CBL: variants seen among roughly 807,000 people sequenced by gnomAD.
CBL encodes the protein Cbl proto-oncogene, also known as E3 ubiquitin-protein ligase CBL.
Under a neutral mutation model 96.9 loss-of-function variants are expected in CBL, and 45 were observed. The ratio of observed to expected loss-of-function variants is 0.46; its 90% confidence interval spans 0.37 to 0.60. The LOEUF is 0.60. Among genes scored for constraint, CBL ranks in the 20% least tolerant of loss-of-function variants. The pLI, the probability that CBL is intolerant of heterozygous loss-of-function variation, is 0.00. For missense variants in CBL, 1,024 were observed against 1,143.5 expected (o/e 0.90, Z 1.51); for synonymous variants, 420 against 426.8 (o/e 0.98, Z 0.20).
rs1401312499 is a variant in CBL at position 119,277,239 on chromosome 11, GCGCACACACA to G, written c.1008-516_1008-507del. 8.7e-5 allele frequency among the ~76,000 whole-genome samples: 12 copies of G among 138,352 alleles called. No individual in the cohort carries two copies. In the South Asian group the frequency reaches 2.7e-3, roughly 31 times the overall value. The allele number at this position is 138,352 out of a possible 152,430, so 90.8% of individuals were successfully genotyped here. A position where few individuals can be genotyped will look rare whatever the true frequency, so the allele number is the denominator to read the frequency against. ...CTCAAAAAAAAAATAAGAATCTGTC[GCGCACACACA>G]CACACACACACACACACACACATAA... On this transcript the variant is annotated intron_variant, in intron 6 of 15. Coordinates refer to ENST00000264033, the MANE Select transcript of CBL (RefSeq NM_005188.4).
At chr11:119,230,767 C>CT (rs1368971779) in intron 1 of CBL, among the ~76,000 whole-genome samples, 1 of 152,184 alleles carries the variant, frequency 6.6e-6, no homozygotes, top group African/African-American at 2.4e-5. Flanking sequence ...ATGTGTGAGT[C>CT]TGTTTCTGGA....
At chr11:119,254,817 G>C (rs1469513851) in intron 2 of CBL, among the ~76,000 whole-genome samples, 1 of 152,094 alleles carries the variant, frequency 6.6e-6, no homozygotes, top group Non-Finnish European at 1.5e-5. Context: ...GGCCAGGCTG[G>C]TCTGAAACTC....
At position 119,266,972 on chromosome 11, in the gene CBL, T is replaced by A. The variant is rs1263366089; in HGVS notation, c.444-4763T>A. 4.6e-5 allele frequency among the ~76,000 whole-genome samples: 7 copies of A among 152,330 alleles called. No homozygotes were observed. The East Asian group carries it at 1.3e-3, about 29-fold the overall frequency. On this transcript the variant is annotated intron_variant, in intron 2 of 15. Coordinates refer to ENST00000264033, the MANE Select transcript of CBL (RefSeq NM_005188.4). The stretch of plus-strand genomic sequence containing the variant: ...TGAGTTAAGGTAACTGCTGACAGAA[T>A]TTTTTCAAGTATTGCTTACCATGTA...
intron 9 of CBL, among the ~76,000 whole-genome samples, chr11:119,279,745 A>C (rs770688902): frequency 2.6e-5 from 4 of 152,272 alleles, no homozygotes; most frequent in Non-Finnish European, 4.4e-5. Flanking sequence ...GGATGACTAC[A>C]TACCAAACTA....
intron 9 of CBL, among the ~76,000 whole-genome samples, chr11:119,279,331 C>T (rs1361270442): frequency 6.6e-6 from 1 of 151,954 alleles, no homozygotes; most frequent in African/African-American, 2.4e-5. Flanking sequence ...GAGACCCTAT[C>T]TCTACCCCTG....
intron 1 of CBL, among the ~76,000 whole-genome samples, chr11:119,221,790 T>G (rs1949414209): frequency 6.6e-6 from 1 of 151,528 alleles, no homozygotes; most frequent in Non-Finnish European, 1.5e-5. Context: ...AAAGCTTCAC[T>G]ATATATTTAT....
At chr11:119,278,487 A>C in intron 8 of CBL, 23 bp from the exon 9 acceptor site, 1 of 1,600,026 alleles carries the variant, frequency 6.2e-7, no homozygotes, top group Non-Finnish European at 8.6e-7. Flanking sequence ...TGCATCTGTT[A>C]CTATCTTTTG....
chr11:119,279,180 T>A (rs553988565), intron 9 of CBL, among the ~76,000 whole-genome samples: 62 of 152,300 alleles, frequency 4.1e-4, no homozygotes, highest in African/African-American at 1.3e-3. Context: ...CCCTTTTTTT[T>A]TTTTTATTTT....
chr11:119,214,092 G>A (rs1157690285), intron 1 of CBL, among the ~76,000 whole-genome samples: 1 of 152,070 alleles, frequency 6.6e-6, no homozygotes, highest in Non-Finnish European at 1.5e-5. Flanking sequence ...CTACAGGTGT[G>A]TGCTACCACA....
chr11:119,231,168 T>C (rs1297131351), intron 1 of CBL, among the ~76,000 whole-genome samples: 2 of 152,118 alleles, frequency 1.3e-5, no homozygotes, highest in African/African-American at 4.8e-5. Context: ...TTTGGAAGGC[T>C]GAGGCTGGCA....
At chr11:119,226,284 G>A (rs1441368007) in intron 1 of CBL, among the ~76,000 whole-genome samples, 1 of 152,166 alleles carries the variant, frequency 6.6e-6, no homozygotes, top group African/African-American at 2.4e-5. Context: ...TCTTTAGTAG[G>A]TAATTCTTGC....
intron 3 of CBL, among the ~76,000 whole-genome samples, chr11:119,273,123 C>G (rs920122941): frequency 6.6e-6 from 1 of 152,056 alleles, no homozygotes; most frequent in Non-Finnish European, 1.5e-5. Flanking sequence ...TGTGTGCTGC[C>G]AGGCCCAGCT....
chr11:119,277,241 G>GCGCACACACACACACACA (rs1035208999), intron 6 of CBL, among the ~76,000 whole-genome samples: 4 of 146,384 alleles, frequency 2.7e-5, no homozygotes, highest in African/African-American at 5.1e-5. Flanking sequence ...AATCTGTCGC[G>GCGCACACACACACACACA]CACACACACA....
rs117131851 is a variant in CBL, at chr11:119,293,983, G to A, written c.2037-2935G>A. ...CCCCTAATACAGGGCTTACTCTAAT[G>A]TATTCTTTCTTGAATCTTAGCCTGT... On this transcript the variant is annotated intron_variant, in intron 12 of 15. Coordinates refer to ENST00000264033, the MANE Select transcript of CBL (RefSeq NM_005188.4). 2.4e-3 allele frequency among the ~76,000 whole-genome samples: 370 copies of A among 152,298 alleles called. 9 individuals carry two copies. In the East Asian group the frequency reaches 0.047, roughly 20 times the overall value.
At chr11:119,260,161 G>A (rs1949743412) in intron 2 of CBL, among the ~76,000 whole-genome samples, 1 of 151,270 alleles carries the variant, frequency 6.6e-6, no homozygotes, top group African/African-American at 2.4e-5. Flanking sequence ...CCGTTACTGA[G>A]TTAGTACTGT....
intron 9 of CBL, among the ~76,000 whole-genome samples, chr11:119,279,661 T>G (rs1372053274): frequency 6.6e-6 from 1 of 152,094 alleles, no homozygotes; most frequent in East Asian, 1.9e-4. Flanking sequence ...CATAAATAAA[T>G]AGTAATTGTA....
In CBL at chr11:119,280,835, A is replaced by G. The variant is rs1949928333; in HGVS notation, c.1431+2122A>G. ...CTTATATCTCCCTCCTCCCTACTCC[A>G]TATCCTCCCACTACAGTTATTTGAA... On this transcript the variant is annotated intron_variant, in intron 9 of 15. Transcript: ENST00000264033. Among the ~76,000 whole-genome samples the G allele has an allele frequency of 2.0e-5, 3 of 152,140 alleles. No individual in the cohort carries two copies. In the South Asian group the frequency reaches 6.2e-4, roughly 31 times the overall value.
At chr11:119,276,264 T>C (rs1434767341) in intron 6 of CBL, 130 bp downstream of exon 6, 12 of 986,756 alleles carry the variant, frequency 1.2e-5, no homozygotes, top group East Asian at 2.5e-5. Context: ...ACAGATGATA[T>C]TGATTTGACC....
chr11:119,209,451 C>A (rs1197380497), intron 1 of CBL, among the ~76,000 whole-genome samples: 2 of 152,114 alleles, frequency 1.3e-5, no homozygotes, highest in Non-Finnish European at 2.9e-5. Context: ...AATGCTGCCT[C>A]TACTAAAAAA....
Sources: gnomAD v4.1 joint callset for allele counts (sites outside exome capture counted in the v4.1 genomes callset) on GRCh38, gnomAD v4.1.1 for gene constraint, MANE v1.5 for transcripts, NCBI Gene and HGNC (gene_info 2026-07-23, HGNC 2026-07-21) for gene names.